The following CENPU variants were observed in gnomAD, a reference collection of about 807,000 sequenced individuals.
The protein encoded by CENPU is KSHV latent nuclear antigen interacting protein 1.
CENPU carries 46 observed loss-of-function variants against 56.7 expected under a neutral mutation model. The ratio of observed to expected loss-of-function variants is 0.81; its 90% confidence interval spans 0.64 to 1.04. CENPU has a LOEUF of 1.04. Among genes scored for constraint, CENPU ranks in the 50% least tolerant of loss-of-function variants. The probability of loss-of-function intolerance (pLI) is 0.00; values close to 1 mark genes in which losing one functional copy is unlikely to be tolerated. For missense variants in CENPU, 510 were observed against 490.1 expected (o/e 1.04, Z -0.38); for synonymous variants, 166 against 163.0 (o/e 1.02, Z -0.14).
At chr4:184,733,392 G>A in intron 1 of CENPU, 7 of 992,200 alleles carry the variant, frequency 7.1e-6, no homozygotes, top group Non-Finnish European at 8.4e-6. Context: ...GCAGCAAGCC[G>A]AGACCCTTCC....
chr4:184,710,265 T>A, intron 7 of CENPU, 85 bp from the exon 8 acceptor site: 1 of 759,836 alleles, frequency 1.3e-6, no homozygotes, highest in Non-Finnish European at 2.2e-6. Flanking sequence ...ACAAAAATAG[T>A]CTCACCAAAT....
At chr4:184,733,599 G>A (rs750562768) in intron 1 of CENPU, among the ~76,000 whole-genome samples, 1 of 152,242 alleles carries the variant, frequency 6.6e-6, no homozygotes, top group African/African-American at 2.4e-5. Context: ...GTGGTTTGCA[G>A]TAAGAAAACA....
chr4:184,712,419 A>C (rs1368195760), intron 7 of CENPU, among the ~76,000 whole-genome samples: 1 of 152,200 alleles, frequency 6.6e-6, no homozygotes, highest in Non-Finnish European at 1.5e-5. Flanking sequence ...CTCTGGAGAT[A>C]ATGGGGTGGG....
chr4:184,716,272 C>T (rs1761091750), intron 6 of CENPU, 125 bp downstream of exon 6: 1 of 692,036 alleles, frequency 1.4e-6, no homozygotes, highest in Non-Finnish European at 2.4e-6. Context: ...ATCTTTATTA[C>T]ATTAAGGAAA....
rs145021044 is a variant in CENPU, at chr4:184,710,322, T to C, written c.689-142A>G. The C allele has an allele frequency of 1.8e-4, 95 of 529,846 alleles. No homozygotes were observed. The East Asian group carries it at 2.8e-3, about 16-fold the overall frequency. The allele number at this position is 529,846 out of a possible 1,614,324, so 32.8% of individuals were successfully genotyped here. A position where few individuals can be genotyped will look rare whatever the true frequency, so the allele number is the denominator to read the frequency against. ...AACAATCAGAGAGGAGGTGCCGTAC[T>C]CACTTCTTATCCCTGTGCACAGTCT... On this transcript the variant is annotated intron_variant, in intron 7 of 12. Transcript: ENST00000281453.
At chr4:184,710,402 T>C (rs938872830) in intron 7 of CENPU, 3 of 362,450 alleles carry the variant, frequency 8.3e-6, no homozygotes, top group Non-Finnish European at 1.5e-5. Flanking sequence ...GTTCTCCTAT[T>C]TCTGCTAAAG....
In CENPU at chr4:184,720,383, G is replaced by T. The variant is rs77754604; in HGVS notation, c.321-3187C>A. On this transcript the variant is annotated intron_variant, in intron 4 of 12. Transcript: ENST00000281453. ...AAACAATCGTGAAGCATGCCTACAG[G>T]GTCTAGAAAAAAGCTTCAAAAGGGC... 2.2e-3 allele frequency among the ~76,000 whole-genome samples: 328 copies of T among 152,112 alleles called. 16 individuals carry two copies. In the East Asian group the frequency reaches 0.059, roughly 27 times the overall value.
In CENPU at chr4:184,708,092, C is replaced by T. The variant is rs10015411; in HGVS notation, c.797+1980G>A. Among the ~76,000 whole-genome samples, 1,037 of 151,798 alleles carry T rather than the reference C, an allele frequency of 6.8e-3. 18 individuals carry two copies. The highest frequency in any genetic ancestry group is 0.039 in the South Asian group (187 of 4,800). ...ACAAAAAATTAGCTGGGCGTGGTGGCGCATGCTTGTAATCCCAGCTATTTG... is the reference window on the plus strand; with the variant it reads ...ACAAAAAATTAGCTGGGCGTGGTGGTGCATGCTTGTAATCCCAGCTATTTG... On this transcript the variant is annotated intron_variant, in intron 8 of 12. Coordinates refer to ENST00000281453, the MANE Select transcript of CENPU (RefSeq NM_024629.4).
chr4:184,722,044 A>G (rs1023865077), intron 4 of CENPU, among the ~76,000 whole-genome samples: 1 of 152,242 alleles, frequency 6.6e-6, no homozygotes, highest in Non-Finnish European at 1.5e-5. Flanking sequence ...AATATCAAGT[A>G]TCTTCTCTGT....
intron 6 of CENPU, among the ~76,000 whole-genome samples, chr4:184,714,721 T>C (rs766781536): frequency 6.6e-6 from 1 of 152,078 alleles, no homozygotes; most frequent in Non-Finnish European, 1.5e-5. Flanking sequence ...ATTCAACTAA[T>C]GCAAAATGAG....
At chr4:184,714,824 A>G (rs1242864021) in intron 6 of CENPU, among the ~76,000 whole-genome samples, 2 of 152,178 alleles carry the variant, frequency 1.3e-5, no homozygotes, top group Non-Finnish European at 2.9e-5. Context: ...AAGTCAATGG[A>G]CTTTTAGCAG....
At chr4:184,720,414 G>A (rs13110386) in intron 4 of CENPU, among the ~76,000 whole-genome samples, 47,346 of 151,948 alleles carry the variant, frequency 0.31, 9,479 homozygotes, top group Non-Finnish European at 0.44. Flanking sequence ...AGGGCAAATC[G>A]AAGAGTTATT....
At chr4:184,731,203 A>T (rs1579802100) in intron 1 of CENPU, among the ~76,000 whole-genome samples, 1 of 152,326 alleles carries the variant, frequency 6.6e-6, no homozygotes, top group Non-Finnish European at 1.5e-5. Context: ...CTGAGGCCTT[A>T]ATCAATCAGC....
At chr4:184,716,662 A>T (rs762640167) in intron 5 of CENPU, 29 bp from the exon 6 acceptor site, 1 of 1,502,740 alleles carries the variant, frequency 6.7e-7, no homozygotes, top group Non-Finnish European at 9.2e-7. Context: ...AGCAGTACTT[A>T]TGTAGAAAAT....
rs2150190064 is a variant in CENPU, at chr4:184,694,264, G to A, written c.*1024C>T. On this transcript the variant is annotated 3_prime_UTR_variant, in exon 13 of 13. Coordinates refer to ENST00000281453, the MANE Select transcript of CENPU (RefSeq NM_024629.4). ...TCCACCCTTGCTCTTCCGTCGGGGA[G>A]TATTGAAAAGTATGTGCACAGAACT... 8.4e-7 allele frequency: 1 copy of A among 1,193,544 alleles called. No homozygotes were observed. Among genetic ancestry groups the A allele is most frequent in the Non-Finnish European group, 1.0e-6 (1 of 959,144 alleles). 73.9% of individuals were successfully genotyped at this position (1,193,544 alleles called of 1,614,324 possible). A position where few individuals can be genotyped will look rare whatever the true frequency, so the allele number is the denominator to read the frequency against.
In CENPU at chr4:184,712,990, T is replaced by C. The variant is rs4616798; in HGVS notation, c.642A>G (p.Ile214Met). ...TTGATTTCTTCCTTTTGTCATGAGA[T>C]ATCTTCCCTTTTTTCTGAGTTTTCT... is the stretch of plus-strand genomic sequence containing the variant. ...SQSKTQKKGK[I>M]SHDKRKKSRS... is the part of the protein sequence containing the mutation. Residue 214 changes from isoleucine to methionine, a missense_variant, in exon 7 of 13, where the codon ATA becomes ATG. Ile to Met is a conservative substitution (Grantham distance 10). Coordinates refer to ENST00000281453, the MANE Select transcript of CENPU (RefSeq NM_024629.4). 236,668 of 1,582,320 alleles carry C rather than the reference T, an allele frequency of 0.15. 19,354 individuals carry two copies. Among genetic ancestry groups the C allele is most frequent in the African/African-American group, 0.26 (19,363 of 73,304 alleles).
intron 12 of CENPU, among the ~76,000 whole-genome samples, chr4:184,697,188 T>G (rs565509378): frequency 1.6e-3 from 240 of 152,292 alleles, no homozygotes; most frequent in Non-Finnish European, 2.8e-3. Context: ...GGCCTGTTTC[T>G]TAACTTCTAA....
intron 3 of CENPU, among the ~76,000 whole-genome samples, chr4:184,725,686 A>G (rs1225309058): frequency 6.6e-6 from 1 of 152,222 alleles, no homozygotes; most frequent in Non-Finnish European, 1.5e-5. Context: ...GTGGGCCCTC[A>G]GTATTTTTGA....
intron 6 of CENPU, among the ~76,000 whole-genome samples, chr4:184,713,351 G>A (rs530002198): frequency 1.3e-5 from 2 of 152,168 alleles, no homozygotes; most frequent in South Asian, 2.1e-4. Context: ...CTGAGATTGC[G>A]CCACTGCACT....
Sources: allele counts gnomAD v4.1 joint callset (sites outside exome capture counted in the v4.1 genomes callset), GRCh38; gene constraint gnomAD v4.1.1; transcripts MANE v1.5; gene names NCBI Gene and HGNC (gene_info 2026-07-23, HGNC 2026-07-21).